Variants in PCSK5 observed in about 807,000 individuals in gnomAD.
The protein encoded by PCSK5 is prohormone convertase 5.
In PCSK5, 129 loss-of-function variants were observed where a neutral mutation model predicts 233.2. The ratio of observed to expected loss-of-function variants is 0.55; its 90% CI spans 0.48 to 0.64. PCSK5 has a LOEUF of 0.64. Ranked by LOEUF, PCSK5 falls within the 30% of genes least tolerant of loss-of-function variation. The pLI, the probability that PCSK5 is intolerant of heterozygous loss-of-function variation, is 0.00. For synonymous variants in PCSK5, 825 were observed against 879.2 expected, an observed-to-expected ratio of 0.94 and a Z score of 1.09; for missense variants, 2,076 against 2,430.1, an observed-to-expected ratio of 0.85 and a Z score of 3.06.
intron 9 of PCSK5, among the ~76,000 whole-genome samples, chr9:76,118,987 C>T (rs913977570): frequency 2.0e-5 from 3 of 151,992 alleles, no homozygotes; most frequent in Non-Finnish European, 4.4e-5. Flanking sequence ...TTTAAACCAA[C>T]CTTTTTTTTA....
At chr9:76,292,991 T>G (rs2131408797) in intron 25 of PCSK5, among the ~76,000 whole-genome samples, 1 of 152,304 alleles carries the variant, frequency 6.6e-6, no homozygotes, top group South Asian at 2.1e-4. Context: ...CTCTCGATCA[T>G]TTTATTGAGA....
chr9:76,079,434 G>A (rs758310238), intron 7 of PCSK5, among the ~76,000 whole-genome samples: 17 of 152,014 alleles, frequency 1.1e-4, no homozygotes, highest in Admixed American at 2.6e-4. Context: ...CACCACAACC[G>A]GCCAGATTGC....
intron 27 of PCSK5, among the ~76,000 whole-genome samples, chr9:76,301,361 G>C (rs1444036241): frequency 6.6e-6 from 1 of 152,036 alleles, no homozygotes; most frequent in Non-Finnish European, 1.5e-5. Context: ...GGAAAAAAAG[G>C]CACCAGATAA....
chr9:76,068,341 C>CA (rs1272828980), intron 6 of PCSK5, among the ~76,000 whole-genome samples: 1 of 152,000 alleles, frequency 6.6e-6, no homozygotes, highest in Non-Finnish European at 1.5e-5. Flanking sequence ...CAAAATGCTA[C>CA]AATTGGTGCC....
At chr9:76,197,123 A>G (rs759791487) in intron 20 of PCSK5, among the ~76,000 whole-genome samples, 4 of 152,216 alleles carry the variant, frequency 2.6e-5, no homozygotes, top group Non-Finnish European at 4.4e-5. Context: ...TGCTGCATAC[A>G]AGGTGCTTAG....
At chr9:76,201,599 C>T (rs1824917646) in intron 20 of PCSK5, among the ~76,000 whole-genome samples, 1 of 152,126 alleles carries the variant, frequency 6.6e-6, no homozygotes. Context: ...GCTGTCAGGT[C>T]CCAGGTGCAT....
chr9:76,002,387 A>AT (rs1221727702), intron 3 of PCSK5, among the ~76,000 whole-genome samples: 2 of 152,288 alleles, frequency 1.3e-5, no homozygotes, highest in African/African-American at 2.4e-5. Flanking sequence ...ACAGGAGAGG[A>AT]TTTTTTTGCA....
intron 1 of PCSK5, among the ~76,000 whole-genome samples, chr9:75,917,039 C>T (rs1478189279): frequency 6.6e-6 from 1 of 151,860 alleles, no homozygotes; most frequent in Non-Finnish European, 1.5e-5. Flanking sequence ...CATGGTGGCA[C>T]GTGCCTGTAA....
rs756277985 is a variant in PCSK5 at position 76,239,051 on chromosome 9, C to T, written c.2959C>T (p.Pro987Ser). ...TGCCACTGAGGGGAACACCTGCCTG[C>T]CCTGCCCAGACAACTGTGAGCTTTG... ...HYATEGNTCL[P>S]CPDNCELCHS... Residue 987 changes from proline (P) to serine (S), a missense_variant, in exon 23 of 38, where the codon CCC becomes TCC. Physicochemically the swap from Pro to Ser is moderately conservative, Grantham distance 74. Around this residue, in one of 6 missense-constraint regions of PCSK5, gnomAD observed 1,510 missense variants for 1,538.1 expected, o/e 0.98. Coordinates refer to ENST00000674117, the MANE Select transcript of PCSK5 (RefSeq NM_001372043.1). 4.3e-6 allele frequency: 7 copies of T among 1,611,556 alleles called. No homozygotes were observed. The South Asian group carries it at 4.4e-5, about 10-fold the overall frequency.
intron 20 of PCSK5, chr9:76,209,547 AGT>A (rs1825252821): frequency 1.9e-6 from 1 of 515,782 alleles, no homozygotes; most frequent in Non-Finnish European, 3.9e-6. Context: ...TGAATTACTG[AGT>A]GCCTTTTCAT....
intron 1 of PCSK5, among the ~76,000 whole-genome samples, chr9:75,918,615 G>T (rs1388778784): frequency 1.3e-5 from 2 of 152,058 alleles, no homozygotes; most frequent in African/African-American, 2.4e-5. Flanking sequence ...GTTTACAGTA[G>T]TTCCAAATGA....
At chr9:76,013,790 G>C (rs1587498294) in intron 3 of PCSK5, among the ~76,000 whole-genome samples, 1 of 152,198 alleles carries the variant, frequency 6.6e-6, no homozygotes, top group East Asian at 1.9e-4. Context: ...TGTATTTCAT[G>C]AGATTATTGT....
intron 27 of PCSK5, among the ~76,000 whole-genome samples, chr9:76,300,876 A>G (rs1375015795): frequency 6.6e-6 from 1 of 152,228 alleles, no homozygotes; most frequent in Admixed American, 6.5e-5. Context: ...CACATATAAC[A>G]CAATAAAGTC....
intron 7 of PCSK5, among the ~76,000 whole-genome samples, chr9:76,075,018 G>A (rs1252169426): frequency 5.9e-5 from 9 of 152,188 alleles, no homozygotes; most frequent in Admixed American, 3.9e-4. Context: ...TCAGGAGTTC[G>A]AGATCAGCCT....
chr9:75,897,098 C>T (rs1825839600), intron 1 of PCSK5, among the ~76,000 whole-genome samples: 1 of 152,152 alleles, frequency 6.6e-6, no homozygotes, highest in Non-Finnish European at 1.5e-5. Context: ...CCATCCACCT[C>T]ATAGAGTTGC....
chr9:76,016,677 C>A (rs1006268237), intron 3 of PCSK5, among the ~76,000 whole-genome samples: 5 of 152,136 alleles, frequency 3.3e-5, no homozygotes, highest in African/African-American at 1.2e-4. Context: ...AGATGTGTTT[C>A]TTGGTTTATT....
rs1317558426 is a variant in PCSK5 at position 76,240,656 on chromosome 9, TGAA to T, written c.3119_3121del (p.Glu1040del). 2.5e-6 allele frequency: 4 copies of T among 1,582,470 alleles called. 1 individual carries two copies. In the South Asian group the frequency reaches 4.6e-5, roughly 18 times the overall value. The stretch of plus-strand genomic sequence containing the variant: ...CAGACTATGAAGAATGTGTCCCTTG[TGAA>T]GAAGGATGTCTGGGATGCAGCTTGG... On this transcript the variant is annotated inframe_deletion, in exon 24 of 38. Coordinates refer to ENST00000674117, the MANE Select transcript of PCSK5 (RefSeq NM_001372043.1).
intron 2 of PCSK5, among the ~76,000 whole-genome samples, chr9:75,957,788 C>T (rs1191338993): frequency 6.6e-6 from 1 of 152,116 alleles, no homozygotes; most frequent in African/African-American, 2.4e-5. Context: ...ATGAACATTT[C>T]CTGTTAGTCA....
At chr9:76,254,665 G>A (rs2261722) in intron 24 of PCSK5, among the ~76,000 whole-genome samples, 46,575 of 152,002 alleles carry the variant, frequency 0.31, 7,281 homozygotes, top group Middle Eastern at 0.43. Context: ...AGCAAGTGCT[G>A]CTGTCTCTTG....
Sources: gnomAD v4.1 joint callset for allele counts (sites outside exome capture counted in the v4.1 genomes callset) on GRCh38, gnomAD v4.1.1 for gene constraint, gnomAD v4.1.1 regional missense constraint, MANE v1.5 for transcripts, NCBI Gene and HGNC (gene_info 2026-07-23, HGNC 2026-07-21) for gene names.